The following CALM3 variants were observed in gnomAD, a reference collection of about 807,000 sequenced individuals.
CALM3 encodes the protein calmodulin 3.
CALM3 carries 5 observed loss-of-function variants against 20.1 expected under a neutral mutation model. That is an observed-to-expected ratio of 0.25 (90% CI 0.13 to 0.52). The LOEUF (loss-of-function observed/expected upper bound fraction) is 0.52. Ranked by LOEUF, CALM3 falls within the 20% of genes least tolerant of loss-of-function variation. The pLI, the probability that CALM3 is intolerant of heterozygous loss-of-function variation, is 0.96. For missense variants in CALM3, 57 were observed against 192.8 expected, an observed-to-expected ratio of 0.30 and a Z score of 4.17; for synonymous variants, 69 against 68.1, an observed-to-expected ratio of 1.01 and a Z score of -0.06.
chr19:46,603,879 CT>C (rs1971685670), intron 1 of CALM3, among the ~76,000 whole-genome samples: 1 of 152,178 alleles, frequency 6.6e-6, no homozygotes, highest in Non-Finnish European at 1.5e-5. Context: ...ATCTTCCAGT[CT>C]TTTGGTGGAG....
In CALM3 at chr19:46,601,447, G is replaced by T; in HGVS notation, c.3+10G>T. On this transcript the variant is annotated intron_variant, in intron 1 of 5. Transcript: ENST00000291295. This position sits in a 1 kb window ranked among gnomAD's most constrained non-coding sequence, Gnocchi z 4.2. ...CCCGGGCCTCGCCATGGTGAGTGAG[G>T]CTGGGGGGTCGCCGAGGCTGCGGGC... The T allele has an allele frequency of 6.7e-7, 1 of 1,496,960 alleles. No individual in the cohort carries two copies. The allele number at this position is 1,496,960 out of a possible 1,614,324, so 92.7% of individuals were successfully genotyped here. A position where few individuals can be genotyped will look rare whatever the true frequency, so the allele number is the denominator to read the frequency against.
At position 46,608,032 on chromosome 19, in the gene CALM3, G is replaced by A; in HGVS notation, c.35-165G>A. On this transcript the variant is annotated intron_variant, in intron 2 of 5. Coordinates refer to ENST00000291295, the MANE Select transcript of CALM3 (RefSeq NM_005184.4). This position sits in a 1 kb window ranked among gnomAD's most constrained non-coding sequence, Gnocchi z 5.5. ...GAAGGTTGGAAGGGCTTTGCCCTGA[G>A]CACTGAGGAGAGAGAGCTGGTTGCG... is the stretch of plus-strand genomic sequence containing the variant. 4 of 641,556 alleles carry A rather than the reference G, an allele frequency of 6.2e-6. No individual in the cohort carries two copies. Among genetic ancestry groups the A allele is most frequent in the Non-Finnish European group, 1.1e-5 (4 of 364,632 alleles). The allele number at this position is 641,556 out of a possible 1,614,324, so 39.7% of individuals were successfully genotyped here.
rs1599759315 is a variant in CALM3 at position 46,608,801 on chromosome 19, C to T, written c.286-45C>T. The T allele has an allele frequency of 1.3e-6, 2 of 1,528,346 alleles. No individual in the cohort carries two copies. The highest frequency in any genetic ancestry group is 1.8e-6 in the Non-Finnish European group (2 of 1,137,032). 94.7% of individuals were successfully genotyped at this position (1,528,346 alleles called of 1,614,324 possible). On this transcript the variant is annotated intron_variant, in intron 4 of 5. Coordinates refer to ENST00000291295, the MANE Select transcript of CALM3 (RefSeq NM_005184.4). This position sits in a 1 kb window ranked among gnomAD's most constrained non-coding sequence, Gnocchi z 5.5. ...CCACCCCTCTCACTGCCTCTCTCCC[C>T]ACCGGGAGAAGTGCCCAGTGAAAGG...
chr19:46,601,293 G>A (rs1033278817), upstream of CALM3: 4 of 694,598 alleles, frequency 5.8e-6, no homozygotes, highest in Non-Finnish European at 7.8e-6. This position sits in a 1 kb window ranked among gnomAD's most constrained non-coding sequence, Gnocchi z 4.2. Context: ...GACCGTTGGG[G>A]CGGGAGGCGG....
At position 46,608,878 on chromosome 19, in the gene CALM3, G is replaced by T. The variant is rs773943649; in HGVS notation, c.318G>T (p.Leu106=). 23 of 1,594,444 alleles carry T rather than the reference G, an allele frequency of 1.4e-5. No individual in the cohort carries two copies. The highest frequency in any genetic ancestry group is 1.8e-5 in the Non-Finnish European group (21 of 1,170,870). Residue 106 remains leucine, a synonymous_variant, in exon 5 of 6, where the codon CTG becomes CTT. Transcript: ENST00000291295. This position sits in a 1 kb window ranked among gnomAD's most constrained non-coding sequence, Gnocchi z 5.5. Reference sequence around the variant, plus strand: ...ATGGCTACATCAGCGCCGCAGAGCTGCGTCACGTAATGACGAACCTGGGGG... The same window carrying T: ...ATGGCTACATCAGCGCCGCAGAGCTTCGTCACGTAATGACGAACCTGGGGG... ...DGNGYISAAE[L]RHVMTNLGEK...
intron 1 of CALM3, among the ~76,000 whole-genome samples, chr19:46,603,423 C>T (rs1458784948): frequency 6.6e-6 from 1 of 152,206 alleles, no homozygotes; most frequent in Non-Finnish European, 1.5e-5. Context: ...TCCTCCTTGG[C>T]CCGGGTGAGG....
chr19:46,602,753 A>C, intron 1 of CALM3: 1 of 164,838 alleles, frequency 6.1e-6, no homozygotes, highest in Non-Finnish European at 1.3e-5. Context: ...TAGAAGCCTC[A>C]CTCTGTCGCT....
rs753670904 is a variant in CALM3 at position 46,608,352 on chromosome 19, A to G, written c.178+12A>G. On this transcript the variant is annotated intron_variant, in intron 3 of 5. Coordinates refer to ENST00000291295, the MANE Select transcript of CALM3 (RefSeq NM_005184.4). The surrounding 1 kb of genome is among the most constrained non-coding windows in gnomAD (Gnocchi z 5.5). ...GGTGGATGCAGATGGTGAGCCCCAC[A>G]GAGCGCGTGGGCAGCCCTGCTCCTG... 9.9e-6 allele frequency: 16 copies of G among 1,613,878 alleles called. No homozygotes were observed. Among genetic ancestry groups the G allele is most frequent in the Admixed American group, 1.7e-5 (1 of 60,026 alleles).
chr19:46,608,784 C>G lies in CALM3; in HGVS notation c.286-62C>G. The G allele has an allele frequency of 7.3e-6, 11 of 1,504,986 alleles. No homozygotes were observed. Among genetic ancestry groups the G allele is most frequent in the Non-Finnish European group, 9.8e-6 (11 of 1,121,742 alleles). The allele number at this position is 1,504,986 out of a possible 1,614,324, so 93.2% of individuals were successfully genotyped here. ...AGGGATGGTGATGACAGCCACCCCT[C>G]TCACTGCCTCTCTCCCCACCGGGAG... is the stretch of plus-strand genomic sequence containing the variant. On this transcript the variant is annotated intron_variant, in intron 4 of 5. Coordinates refer to ENST00000291295, the MANE Select transcript of CALM3 (RefSeq NM_005184.4). This position sits in a 1 kb window ranked among gnomAD's most constrained non-coding sequence, Gnocchi z 5.5.
chr19:46,608,255 G>T lies in CALM3; in HGVS notation c.93G>T (p.Lys31Asn). 1 of 1,614,012 alleles carries T rather than the reference G, an allele frequency of 6.2e-7. No individual in the cohort carries two copies. Among genetic ancestry groups the T allele is most frequent in the African/African-American group, 1.3e-5 (1 of 75,054 alleles). ...DKDGDGTITT[K>N]ELGTVMRSLG... is the part of the protein sequence containing the mutation. ...ATGGAGATGGCACTATCACCACCAAGGAGTTGGGGACAGTGATGAGATCCC... is the reference window on the plus strand; with the variant it reads ...ATGGAGATGGCACTATCACCACCAATGAGTTGGGGACAGTGATGAGATCCC... The change falls in exon 3 of 6, where the codon AAG becomes AAT. Residue 31 changes from lysine to asparagine, a missense_variant. Transcript: ENST00000291295. This position sits in a 1 kb window ranked among gnomAD's most constrained non-coding sequence, Gnocchi z 5.5.
chr19:46,604,032 A>T (rs1010350449), intron 1 of CALM3, among the ~76,000 whole-genome samples: 1 of 152,194 alleles, frequency 6.6e-6, no homozygotes, highest in African/African-American at 2.4e-5. Flanking sequence ...GTGGGCTGGG[A>T]AGGCCCTGAC....
Position 46,608,766 on chromosome 19 carries a change from G to T in CALM3, c.286-80G>T. On this transcript the variant is annotated intron_variant, in intron 4 of 5. Coordinates refer to ENST00000291295, the MANE Select transcript of CALM3 (RefSeq NM_005184.4). This position sits in a 1 kb window ranked among gnomAD's most constrained non-coding sequence, Gnocchi z 5.5. ...TCACTGTGCTCACTGCTGAGGGATG[G>T]TGATGACAGCCACCCCTCTCACTGC... The T allele has an allele frequency of 6.9e-7, 1 of 1,455,828 alleles. No individual in the cohort carries two copies. 90.2% of individuals were successfully genotyped at this position (1,455,828 alleles called of 1,614,324 possible).
rs1476365817 is a variant in CALM3 at position 46,601,363 on chromosome 19, T to A, written c.-72T>A. ...TGGAGGCGCGGACGCGCGGCGGAGC[T>A]GGAACTGCTGCAGCTGCTGCCGCCG... On this transcript the variant is annotated 5_prime_UTR_variant, in exon 1 of 6. Coordinates refer to ENST00000291295, the MANE Select transcript of CALM3 (RefSeq NM_005184.4). This position sits in a 1 kb window ranked among gnomAD's most constrained non-coding sequence, Gnocchi z 4.2. 6.8e-7 allele frequency: 1 copy of A among 1,467,144 alleles called. No homozygotes were observed. The highest frequency in any genetic ancestry group is 9.0e-7 in the Non-Finnish European group (1 of 1,105,568). The allele number at this position is 1,467,144 out of a possible 1,614,324, so 90.9% of individuals were successfully genotyped here. A position where few individuals can be genotyped will look rare whatever the true frequency, so the allele number is the denominator to read the frequency against.
chr19:46,601,147 G>A (rs1029088080), upstream of CALM3: 8 of 633,308 alleles, frequency 1.3e-5, no homozygotes, highest in African/African-American at 1.3e-4. The surrounding 1 kb of genome is among the most constrained non-coding windows in gnomAD (Gnocchi z 4.2). Flanking sequence ...TCCTGTGCAG[G>A]GTGGGGACGA....
Position 46,608,214 on chromosome 19 carries a change from T to A in CALM3, c.52T>A (p.Ser18Thr). 6.2e-7 allele frequency: 1 copy of A among 1,613,940 alleles called. No homozygotes were observed. The highest frequency in any genetic ancestry group is 2.2e-5 in the East Asian group (1 of 44,874). ...EQIAEFKEAFSLFDKDGDGTI... is the reference protein window; with the variant it reads ...EQIAEFKEAFTLFDKDGDGTI... ...TCCCCCAGAGTTCAAGGAGGCCTTC[T>A]CCCTCTTTGACAAGGATGGAGATGG... Residue 18 changes from serine to threonine, a missense_variant, in exon 3 of 6, where the codon TCC becomes ACC. By Grantham distance (58) the Ser-to-Thr change is moderately conservative. Coordinates refer to ENST00000291295, the MANE Select transcript of CALM3 (RefSeq NM_005184.4). This position sits in a 1 kb window ranked among gnomAD's most constrained non-coding sequence, Gnocchi z 5.5.
intron 1 of CALM3, among the ~76,000 whole-genome samples, chr19:46,604,201 T>C (rs1206292214): frequency 6.6e-6 from 1 of 152,158 alleles, no homozygotes; most frequent in Non-Finnish European, 1.5e-5. Flanking sequence ...CCTTCTCACT[T>C]TCCCTAAGCC....
chr19:46,602,018 A>G, intron 1 of CALM3: 1 of 976,468 alleles, frequency 1.0e-6, no homozygotes, highest in Non-Finnish European at 1.4e-6. Context: ...ACTTCTACAG[A>G]TGAGACTCCC....
At position 46,606,058 on chromosome 19, in the gene CALM3, G is replaced by C. The variant is rs1335492646; in HGVS notation, c.34+201G>C. The C allele has an allele frequency of 7.1e-6, 4 of 561,756 alleles. No individual in the cohort carries two copies. The African/African-American group carries it at 7.7e-5, about 11-fold the overall frequency. The allele number at this position is 561,756 out of a possible 1,614,324, so 34.8% of individuals were successfully genotyped here. A position where few individuals can be genotyped will look rare whatever the true frequency, so the allele number is the denominator to read the frequency against. On this transcript the variant is annotated intron_variant, in intron 2 of 5. Coordinates refer to ENST00000291295, the MANE Select transcript of CALM3 (RefSeq NM_005184.4). ...ATGACACGAAGCCCCATGGCCCTGA[G>C]ACAGGCCTTTACCAGACACCAAAGG...
Position 46,609,326 on chromosome 19 carries a change from CCTT to C in CALM3, c.*178_*180del, listed in dbSNP as rs1443047606. The C allele has an allele frequency of 1.2e-5, 8 of 673,166 alleles. No homozygotes were observed. In the Admixed American group the frequency reaches 1.6e-4, roughly 14 times the overall value. 41.7% of individuals were successfully genotyped at this position (673,166 alleles called of 1,614,324 possible). ...CCCAAGCTGCATGATTGCTCTTTCT[CCTT>C]CTTCCCTGAGTCTCTCTCCATGCCC... On this transcript the variant is annotated 3_prime_UTR_variant, in exon 6 of 6. Coordinates refer to ENST00000291295, the MANE Select transcript of CALM3 (RefSeq NM_005184.4).
Sources: gnomAD v4.1 joint callset for allele counts (sites outside exome capture counted in the v4.1 genomes callset) on GRCh38, gnomAD v4.1.1 for gene constraint, Gnocchi (gnomAD v3.1) non-coding constraint, MANE v1.5 for transcripts, NCBI Gene and HGNC (gene_info 2026-07-23, HGNC 2026-07-21) for gene names.